FXR1: variants seen among roughly 807,000 people sequenced by gnomAD.
The protein encoded by FXR1 is RNA-binding protein FXR1.
FXR1 carries 15 observed loss-of-function variants against 84.0 expected under a neutral mutation model. The observed-to-expected ratio is 0.18, with a 90% CI of 0.12 to 0.27. The LOEUF (loss-of-function observed/expected upper bound fraction) is 0.27. Among genes scored for constraint, FXR1 ranks in the 10% least tolerant of loss-of-function variants. FXR1 has a pLI of 1.00. For missense variants in FXR1, 480 were observed against 774.4 expected (o/e 0.62, Z 4.51); for synonymous variants, 245 against 250.7 (o/e 0.98, Z 0.21).
At chr3:180,925,346 C>T (rs1479024268) in intron 1 of FXR1, among the ~76,000 whole-genome samples, 3 of 147,708 alleles carry the variant, frequency 2.0e-5, no homozygotes, top group Non-Finnish European at 4.5e-5. Context: ...GGCAACAGAG[C>T]GAGACTCCAT....
intron 2 of FXR1, 63 bp from the exon 3 acceptor site, chr3:180,935,075 A>C (rs1186418080): frequency 1.4e-6 from 1 of 706,974 alleles, no homozygotes; most frequent in East Asian, 2.6e-5. Context: ...TTGAAAAAAT[A>C]TGCAACACCA....
intron 13 of FXR1, among the ~76,000 whole-genome samples, chr3:180,967,654 AG>A (rs1713008112): frequency 6.6e-6 from 1 of 150,764 alleles, no homozygotes; most frequent in Admixed American, 6.6e-5. Flanking sequence ...TCTGCACATC[AG>A]TTTTTTTTTT....
chr3:180,930,469 G>C (rs1359189186), intron 1 of FXR1, among the ~76,000 whole-genome samples: 1 of 152,118 alleles, frequency 6.6e-6, no homozygotes, highest in Non-Finnish European at 1.5e-5. Flanking sequence ...TAGTGATTTA[G>C]AGTTCTGATT....
intron 16 of FXR1, 90 bp from the exon 17 acceptor site, chr3:180,976,032 A>AT: frequency 1.1e-6 from 1 of 951,672 alleles, no homozygotes; most frequent in East Asian, 2.5e-5. Flanking sequence ...GAAATTTTTA[A>AT]TTAGCTAATT....
intron 1 of FXR1, among the ~76,000 whole-genome samples, chr3:180,932,840 G>A (rs1473755698): frequency 1.3e-5 from 2 of 152,150 alleles, no homozygotes; most frequent in Non-Finnish European, 2.9e-5. Flanking sequence ...TTCTTACTTT[G>A]TGCCAGGTAC....
chr3:180,958,017 T>A lies in FXR1; in HGVS notation c.990+89T>A, dbSNP rs76978300. ...TAAACATTTTGTCTGTTTTATCTGA[T>A]ACAGAGGGTTTTTCTTCTTTTTAAA... On this transcript the variant is annotated intron_variant, in intron 10 of 16. Transcript: ENST00000357559. 3,214 of 537,132 alleles carry A rather than the reference T, an allele frequency of 6.0e-3. 19 individuals carry two copies. Among genetic ancestry groups the A allele is most frequent in the Middle Eastern group, 0.013 (42 of 3,160 alleles). 33.3% of individuals were successfully genotyped at this position (537,132 alleles called of 1,614,324 possible).
At chr3:180,944,079 G>A (rs1305294710) in intron 3 of FXR1, among the ~76,000 whole-genome samples, 2 of 151,858 alleles carry the variant, frequency 1.3e-5, no homozygotes, top group African/African-American at 2.4e-5. Context: ...ACCACGCCTG[G>A]CTAATTTTGT....
chr3:180,972,246 T>G (rs1713677384), intron 15 of FXR1, among the ~76,000 whole-genome samples: 1 of 152,154 alleles, frequency 6.6e-6, no homozygotes, highest in African/African-American at 2.4e-5. Flanking sequence ...CAGGATTGCT[T>G]GAGCCCAGGA....
chr3:180,979,822 A>G lies in FXR1; in HGVS notation c.*3530A>G, dbSNP rs576801206. 4 of 152,154 alleles carry G rather than the reference A, an allele frequency of 2.6e-5. No homozygotes were observed. Among genetic ancestry groups the G allele is most frequent in the African/African-American group, 7.2e-5 (3 of 41,542 alleles). The allele number at this position is 152,154 out of a possible 1,614,324, so 9.4% of individuals were successfully genotyped here. On this transcript the variant is annotated 3_prime_UTR_variant, in exon 17 of 17. Coordinates refer to ENST00000357559, the MANE Select transcript of FXR1 (RefSeq NM_005087.4). Reference sequence around the variant, plus strand: ...TTTCTTATGGTTCAGTCTAATTACAAATTTTTAAAAAGTTTATCAGTGTAT... The same window carrying G: ...TTTCTTATGGTTCAGTCTAATTACAGATTTTTAAAAAGTTTATCAGTGTAT...
chr3:180,944,439 G>A (rs554716975), intron 3 of FXR1, among the ~76,000 whole-genome samples: 1 of 150,916 alleles, frequency 6.6e-6, no homozygotes, highest in South Asian at 2.1e-4. Flanking sequence ...TCCTTCCTCA[G>A]CCTCCCAAGT....
intron 6 of FXR1, among the ~76,000 whole-genome samples, 189 bp downstream of exon 6, chr3:180,949,003 G>A (rs773515648): frequency 5.9e-5 from 9 of 152,166 alleles, no homozygotes; most frequent in Non-Finnish European, 1.3e-4. Context: ...AATTCTTAAT[G>A]TGTGAGATTC....
chr3:180,915,598 C>A (rs1027013115), intron 1 of FXR1: 1 of 905,498 alleles, frequency 1.1e-6, no homozygotes, highest in Non-Finnish European at 1.8e-6. Flanking sequence ...TAGTGTATTT[C>A]TTTGGTTTTT....
rs774417335 is a variant in FXR1 at position 180,953,804 on chromosome 3, G to A, written c.844G>A (p.Val282Met). Reference protein sequence around the residue: ...VKKARGFLEFVEDFIQVPRNL... With the variant: ...VKKARGFLEFMEDFIQVPRNL... ...AAAGGCTAGAGGTTTCTTGGAATTTGTGGAGGATTTTATTCAGGTTCCTAG... is the reference window on the plus strand; with the variant it reads ...AAAGGCTAGAGGTTTCTTGGAATTTATGGAGGATTTTATTCAGGTTCCTAG... Residue 282 changes from valine (V) to methionine (M), a missense_variant, in exon 9 of 17, where the codon GTG (valine) becomes ATG (methionine). By Grantham distance (21) the Val-to-Met change is conservative (BLOSUM62 1). This residue lies in a region of FXR1 where 136 missense variants were observed against 315.4 expected (regional missense o/e 0.43). Transcript: ENST00000357559. The A allele has an allele frequency of 1.9e-6, 3 of 1,588,440 alleles. No homozygotes were observed. The highest frequency in any genetic ancestry group is 1.7e-5 in the Admixed American group (1 of 59,718).
chr3:180,930,392 A>C (rs570691157), intron 1 of FXR1, among the ~76,000 whole-genome samples: 2 of 152,304 alleles, frequency 1.3e-5, no homozygotes, highest in African/African-American at 4.8e-5. Flanking sequence ...TTTTAGATAG[A>C]AAAAAGGTTT....
intron 1 of FXR1, among the ~76,000 whole-genome samples, chr3:180,913,934 C>T (rs1421498605): frequency 6.6e-6 from 1 of 152,098 alleles, no homozygotes; most frequent in Non-Finnish European, 1.5e-5. Flanking sequence ...TTTTATTTGG[C>T]CACGATTTTC....
intron 1 of FXR1, chr3:180,927,661 CCGTCT>C: frequency 1.9e-6 from 1 of 536,544 alleles, no homozygotes; most frequent in Admixed American, 3.6e-5. Context: ...ATTTAAGCAC[CCGTCT>C]AAAAAAAAAT....
chr3:180,920,714 TTGACTAGGC>T (rs1718482002), intron 1 of FXR1, among the ~76,000 whole-genome samples: 1 of 152,174 alleles, frequency 6.6e-6, no homozygotes, highest in East Asian at 1.9e-4. Flanking sequence ...ATTTGCCGTG[TTGACTAGGC>T]TGACCTTGAG....
At chr3:180,927,730 G>A (rs1719399088) in intron 1 of FXR1, 6 of 444,520 alleles carry the variant, frequency 1.3e-5, no homozygotes, top group Non-Finnish European at 2.0e-5. Flanking sequence ...GAAGAGAAAA[G>A]CGAAGTTCAG....
rs201512027 is a variant in FXR1 at position 180,949,239 on chromosome 3, G to A, written c.526G>A (p.Ala176Thr). The A allele has an allele frequency of 3.3e-5, 51 of 1,565,858 alleles. No individual in the cohort carries two copies. The highest frequency in any genetic ancestry group is 1.5e-5 in the Non-Finnish European group (17 of 1,136,042). ...TGTTTGTTTATAGTCTGCCAGTGAAGCAACTGTGAAGAGAGTAAACATCTT... is the reference window on the plus strand; with the variant it reads ...TGTTTGTTTATAGTCTGCCAGTGAAACAACTGTGAAGAGAGTAAACATCTT... The part of the protein sequence containing the change: ...TQLMILSASE[A>T]TVKRVNILSD... Residue 176 changes from alanine (A) to threonine (T), a missense_variant, in exon 7 of 17, where the codon GCA (alanine) becomes ACA (threonine). By Grantham distance (58) the Ala-to-Thr change is moderately conservative. This residue lies in a region of FXR1 where 136 missense variants were observed against 315.4 expected (regional missense o/e 0.43). Coordinates refer to ENST00000357559, the MANE Select transcript of FXR1 (RefSeq NM_005087.4).
Sources: gnomAD v4.1 joint callset for allele counts (sites outside exome capture counted in the v4.1 genomes callset) on GRCh38, gnomAD v4.1.1 for gene constraint, gnomAD v4.1.1 regional missense constraint, MANE v1.5 for transcripts, NCBI Gene and HGNC (gene_info 2026-07-23, HGNC 2026-07-21) for gene names.